Variants in USP25 observed in about 807,000 individuals in gnomAD.
USP25 encodes ubiquitin carboxyl-terminal hydrolase 25.
A neutral mutation model predicts 158.5 loss-of-function variants in USP25; 85 were observed. The ratio of observed to expected loss-of-function variants is 0.54; its 90% CI spans 0.45 to 0.64. The LOEUF (loss-of-function observed/expected upper bound fraction) is 0.64. Ranked by LOEUF, USP25 falls within the 30% of genes least tolerant of loss-of-function variation. The pLI, the probability that USP25 is intolerant of heterozygous loss-of-function variation, is 0.00. For missense variants in USP25, 1,242 were observed against 1,327.3 expected (o/e 0.94, Z 1.00); for synonymous variants, 464 against 460.4 (o/e 1.01, Z -0.10).
intron 4 of USP25, among the ~76,000 whole-genome samples, chr21:15,784,505 G>A (rs1194147094): frequency 6.6e-6 from 1 of 152,128 alleles, no homozygotes; most frequent in African/African-American, 2.4e-5. Flanking sequence ...CCGGGAGGTG[G>A]AGGTTGTGGT....
intron 8 of USP25, 70 bp from the exon 9 acceptor site, chr21:15,811,067 T>G: frequency 7.4e-7 from 1 of 1,348,450 alleles, no homozygotes; most frequent in Non-Finnish European, 1.0e-6. Context: ...TATGTTATAG[T>G]TCTTTAATAT....
chr21:15,826,915 C>A lies in USP25; in HGVS notation c.1467-62C>A. 1 of 1,560,198 alleles carries A rather than the reference C, an allele frequency of 6.4e-7. No individual in the cohort carries two copies. On this transcript the variant is annotated intron_variant, in intron 13 of 25. Coordinates refer to ENST00000400183, the MANE Select transcript of USP25 (RefSeq NM_001283041.3). This position sits in a 1 kb window ranked among gnomAD's most constrained non-coding sequence, Gnocchi z 4.8. The stretch of plus-strand genomic sequence containing the variant: ...CCAATTTAATACTGTGGGTTTGGCA[C>A]GATCTTTGTCAAGAGTTTCAGCTTG...
chr21:15,822,604 G>GCAAA (rs2037289081), intron 10 of USP25, among the ~76,000 whole-genome samples: 1 of 151,846 alleles, frequency 6.6e-6, no homozygotes, highest in Non-Finnish European at 1.5e-5. Context: ...CTACTTTCTT[G>GCAAA]TTTGAGTATC....
At chr21:15,842,965 A>G (rs2146447248) in intron 18 of USP25, among the ~76,000 whole-genome samples, 1 of 152,246 alleles carries the variant, frequency 6.6e-6, no homozygotes, top group East Asian at 1.9e-4. Context: ...ACTACTAGAT[A>G]CTGTAGATTA....
At chr21:15,756,191 T>A (rs1462606631) in intron 1 of USP25, among the ~76,000 whole-genome samples, 1 of 152,174 alleles carries the variant, frequency 6.6e-6, no homozygotes, top group African/African-American at 2.4e-5. Flanking sequence ...TTCTCTGGTT[T>A]ATATAGATTC....
chr21:15,785,866 T>G (rs1284335092), intron 4 of USP25, among the ~76,000 whole-genome samples: 1 of 151,964 alleles, frequency 6.6e-6, no homozygotes, highest in African/African-American at 2.4e-5. Context: ...CAGTGAAATT[T>G]TTTTGAGAAG....
rs564478857 is a variant in USP25 at position 15,861,464 on chromosome 21, G to A, written c.2548-2804G>A. Among the ~76,000 whole-genome samples the A allele has an allele frequency of 1.4e-3, 212 of 152,242 alleles. 1 individual carries two copies. The highest frequency in any genetic ancestry group is 3.8e-3 in the African/African-American group (157 of 41,564). Reference sequence around the variant, plus strand: ...TGTGATAATTAACTTAAAATAATTAGCATAGACCGCCAAAAAATATGGGCA... The same window carrying A: ...TGTGATAATTAACTTAAAATAATTAACATAGACCGCCAAAAAATATGGGCA... On this transcript the variant is annotated intron_variant, in intron 20 of 25. Transcript: ENST00000400183.
rs1281963829 is a variant in USP25 at position 15,849,763 on chromosome 21, A to G, written c.2452-14A>G. 15 of 1,511,202 alleles carry G rather than the reference A, an allele frequency of 9.9e-6. No homozygotes were observed. The Admixed American group carries it at 1.7e-4, about 17-fold the overall frequency. 93.6% of individuals were successfully genotyped at this position (1,511,202 alleles called of 1,614,324 possible). A position where few individuals can be genotyped will look rare whatever the true frequency, so the allele number is the denominator to read the frequency against. On this transcript the variant is annotated splice_polypyrimidine_tract_variant and intron_variant, in intron 19 of 25. Transcript: ENST00000400183. ...TAAAAACCTTTTTTTAATGTTAACT[A>G]TCTTCTGTGGCAGATCATGATGACA...
At chr21:15,835,020 A>T (rs1224713067) in intron 17 of USP25, among the ~76,000 whole-genome samples, 2 of 152,184 alleles carry the variant, frequency 1.3e-5, no homozygotes, top group Non-Finnish European at 2.9e-5. Flanking sequence ...CATGCTTTGC[A>T]TTCTGTACAT....
chr21:15,830,513 G>T lies in USP25; in HGVS notation c.1694-18G>T. 1 of 1,584,892 alleles carries T rather than the reference G, an allele frequency of 6.3e-7. No homozygotes were observed. Among genetic ancestry groups the T allele is most frequent in the South Asian group, 1.2e-5 (1 of 85,040 alleles). On this transcript the variant is annotated intron_variant, in intron 14 of 25. Transcript: ENST00000400183. ...ACACATTTGCTGTTAATCATTAAAT[G>T]ACACCTTATATCCTTAGATTTGCAG...
At chr21:15,796,852 C>T (rs1185882071) in intron 5 of USP25, among the ~76,000 whole-genome samples, 8 of 151,210 alleles carry the variant, frequency 5.3e-5, no homozygotes, top group Admixed American at 4.6e-4. Context: ...AAAAAATGGA[C>T]AATAGAAAAC....
intron 17 of USP25, among the ~76,000 whole-genome samples, chr21:15,834,131 T>C (rs965055446): frequency 6.6e-6 from 1 of 152,168 alleles, no homozygotes; most frequent in Non-Finnish European, 1.5e-5. Flanking sequence ...ACCAAAGATA[T>C]AAATGCATAA....
chr21:15,734,988 A>G (rs1324725676), intron 1 of USP25, among the ~76,000 whole-genome samples: 1 of 152,072 alleles, frequency 6.6e-6, no homozygotes, highest in Non-Finnish European at 1.5e-5. Context: ...CTCCTTTCTT[A>G]TTGAAGCTGA....
intron 7 of USP25, among the ~76,000 whole-genome samples, chr21:15,806,715 C>G (rs1054141320): frequency 6.6e-6 from 1 of 152,170 alleles, no homozygotes; most frequent in Non-Finnish European, 1.5e-5. Flanking sequence ...GTTTGATTCT[C>G]TTCTGTTCCC....
At chr21:15,758,170 C>G (rs1190929287) in intron 1 of USP25, among the ~76,000 whole-genome samples, 2 of 152,176 alleles carry the variant, frequency 1.3e-5, no homozygotes, top group Non-Finnish European at 2.9e-5. Flanking sequence ...TATTAGCAAA[C>G]TCATGGAGTC....
intron 1 of USP25, among the ~76,000 whole-genome samples, chr21:15,734,547 A>C (rs929268726): frequency 6.6e-6 from 1 of 152,048 alleles, no homozygotes; most frequent in African/African-American, 2.4e-5. Context: ...CAGTCTTTTA[A>C]ATGAATTCAC....
At chr21:15,788,886 A>T (rs1397856599) in intron 4 of USP25, among the ~76,000 whole-genome samples, 1 of 152,128 alleles carries the variant, frequency 6.6e-6, no homozygotes, top group South Asian at 2.1e-4. Context: ...AGGAGCAATC[A>T]TCAATTACAT....
At chr21:15,742,909 A>C (rs776416315) in intron 1 of USP25, among the ~76,000 whole-genome samples, 1 of 152,170 alleles carries the variant, frequency 6.6e-6, no homozygotes, top group Non-Finnish European at 1.5e-5. Context: ...GGTATACCGC[A>C]TGTGGCTTCC....
At chr21:15,798,732 G>A (rs2035985651) in intron 5 of USP25, among the ~76,000 whole-genome samples, 3 of 151,004 alleles carry the variant, frequency 2.0e-5, no homozygotes. Context: ...TACAGTTTCT[G>A]TTACCAGCTT....
Sources: allele counts gnomAD v4.1 joint callset (sites outside exome capture counted in the v4.1 genomes callset), GRCh38; gene constraint gnomAD v4.1.1; non-coding constraint Gnocchi (gnomAD v3.1); transcripts MANE v1.5; gene names NCBI Gene and HGNC (gene_info 2026-07-23, HGNC 2026-07-21).